SLC14A2: variants seen among roughly 807,000 people sequenced by gnomAD.
The protein encoded by SLC14A2 is urea transporter 2.
In SLC14A2, 91 loss-of-function variants were observed where a neutral mutation model predicts 104.6. The ratio of observed to expected loss-of-function variants is 0.87; its 90% CI spans 0.73 to 1.04. SLC14A2 has a LOEUF of 1.04. SLC14A2 is among the 50% of genes least tolerant of loss of function. The pLI, the probability that SLC14A2 is intolerant of heterozygous loss-of-function variation, is 0.00. For missense variants in SLC14A2, 1,189 were observed against 1,156.0 expected (o/e 1.03, Z -0.41); for synonymous variants, 476 against 466.4 (o/e 1.02, Z -0.27).
intron 1 of SLC14A2, among the ~76,000 whole-genome samples, chr18:45,247,230 A>G (rs146892498): frequency 6.6e-6 from 1 of 152,374 alleles, no homozygotes; most frequent in African/African-American, 2.4e-5. Context: ...GGTTGTTTCA[A>G]CACCAAACTC....
chr18:45,194,067 C>T, the SLC14A2 span, among the ~76,000 whole-genome samples: 4 of 152,210 alleles, frequency 2.6e-5, no homozygotes, highest in Non-Finnish European at 5.9e-5. Context: ...ATTCTGCAAG[C>T]TTGATCAACT....
chr18:45,193,175 A>G, the SLC14A2 span, among the ~76,000 whole-genome samples: 1 of 152,136 alleles, frequency 6.6e-6, no homozygotes, highest in Non-Finnish European at 1.5e-5. Flanking sequence ...TTTTCTCCCA[A>G]TCTGTAACTT....
chr18:45,266,240 C>T (rs888936729), intron 1 of SLC14A2, among the ~76,000 whole-genome samples: 8 of 152,090 alleles, frequency 5.3e-5, no homozygotes, highest in African/African-American at 1.9e-4. Flanking sequence ...CCATCAGTCC[C>T]GACTAATGAG....
At chr18:45,304,834 T>C (rs1217500629) in intron 1 of SLC14A2, among the ~76,000 whole-genome samples, 2 of 152,196 alleles carry the variant, frequency 1.3e-5, no homozygotes, top group Non-Finnish European at 2.9e-5. Context: ...AAGAAGTTCA[T>C]GAACCCTCTC....
At chr18:45,396,648 TC>T (rs2086035802) in intron 1 of SLC14A2, among the ~76,000 whole-genome samples, 1 of 148,516 alleles carries the variant, frequency 6.7e-6, no homozygotes, top group African/African-American at 2.5e-5. Flanking sequence ...TTTTCTTTTT[TC>T]CCTCTTTTTT....
intron 10 of SLC14A2, among the ~76,000 whole-genome samples, chr18:45,662,449 G>T (rs988832288): frequency 6.6e-6 from 1 of 152,110 alleles, no homozygotes; most frequent in East Asian, 1.9e-4. Context: ...TCCAGCTTTC[G>T]TATGCACACG....
chr18:45,395,130 C>A (rs544038070), intron 1 of SLC14A2, among the ~76,000 whole-genome samples: 5 of 152,082 alleles, frequency 3.3e-5, no homozygotes, highest in African/African-American at 7.2e-5. Flanking sequence ...TGGAAACAAC[C>A]TAAATGTCCA....
In SLC14A2 at chr18:45,643,997, A is replaced by G; in HGVS notation, c.1188A>G (p.Pro396=). 1 of 1,613,974 alleles carries G rather than the reference A, an allele frequency of 6.2e-7. No homozygotes were observed. Among genetic ancestry groups the G allele is most frequent in the South Asian group, 1.1e-5 (1 of 91,058 alleles). ...GCTTTTGTTTCCAGGTGGGCGTGCC[A>G]CCAGGCACCTGGGCCTTCTGCCTTG... is the stretch of plus-strand genomic sequence containing the variant. ...ISNIMSVVGV[P]PGTWAFCLAT... is the part of the protein sequence containing the mutation. Residue 396 remains proline (P), a synonymous_variant, in exon 10 of 20, where the codon CCA becomes CCG. Coordinates refer to ENST00000255226, the MANE Select transcript of SLC14A2 (RefSeq NM_007163.4).
chr18:45,255,880 C>A (rs1230977268), intron 1 of SLC14A2, among the ~76,000 whole-genome samples: 1 of 152,192 alleles, frequency 6.6e-6, no homozygotes, highest in Non-Finnish European at 1.5e-5. Context: ...CCGCCCTTTA[C>A]CTCTCAGAAA....
Position 45,538,988 on chromosome 18 carries a change from C to T in SLC14A2, c.-35+55666C>T, listed in dbSNP as rs943415901. On this transcript the variant is annotated intron_variant, in intron 2 of 20. Coordinates refer to the SLC14A2 transcript ENST00000586448. ...GCTTTGCTGATCACATACTATATGG[C>T]AGGCCTGTGTAAAGCCTATAAAGGT... 5.9e-5 allele frequency among the ~76,000 whole-genome samples: 9 copies of T among 151,746 alleles called. No individual in the cohort carries two copies. In the South Asian group the frequency reaches 1.5e-3, roughly 25 times the overall value.
At chr18:45,430,187 G>C (rs57801224) in intron 1 of SLC14A2, among the ~76,000 whole-genome samples, 24,436 of 152,152 alleles carry the variant, frequency 0.16, 2,830 homozygotes, top group African/African-American at 0.3. Flanking sequence ...GGTCATTTTG[G>C]CAGATGGGAA....
At chr18:45,531,446 G>C (rs1336174731) in intron 2 of SLC14A2, among the ~76,000 whole-genome samples, 1 of 152,154 alleles carries the variant, frequency 6.6e-6, no homozygotes, top group East Asian at 1.9e-4. Context: ...TTCTCTGATG[G>C]CCAGTGATGA....
At chr18:45,550,505 G>A (rs796960653) in intron 2 of SLC14A2, among the ~76,000 whole-genome samples, 24 of 152,176 alleles carry the variant, frequency 1.6e-4, no homozygotes, top group African/African-American at 5.3e-4. Context: ...GGTAGGGAGT[G>A]TGGCGTATTC....
At chr18:45,386,968 T>C (rs142750017) in intron 1 of SLC14A2, among the ~76,000 whole-genome samples, 86 of 152,366 alleles carry the variant, frequency 5.6e-4, no homozygotes, top group Non-Finnish European at 1.1e-3. Flanking sequence ...TTACTCACTA[T>C]GACACTCTGT....
chr18:45,348,073 G>A (rs1160085063), intron 1 of SLC14A2, among the ~76,000 whole-genome samples: 1 of 152,174 alleles, frequency 6.6e-6, no homozygotes, highest in Non-Finnish European at 1.5e-5. Context: ...CCATCATGAT[G>A]GCAGTGATTT....
chr18:45,300,275 T>G (rs952913591), intron 1 of SLC14A2, among the ~76,000 whole-genome samples: 4 of 152,160 alleles, frequency 2.6e-5, no homozygotes, highest in Non-Finnish European at 5.9e-5. Flanking sequence ...TCAACAGGAC[T>G]AATGAGTTAG....
chr18:45,213,353 C>T (rs1225233240), intron 1 of SLC14A2, among the ~76,000 whole-genome samples: 2 of 151,724 alleles, frequency 1.3e-5, no homozygotes, highest in South Asian at 2.1e-4. Context: ...GAATATTGAC[C>T]CACAAAAAGA....
At chr18:45,176,848 C>T in the SLC14A2 span, among the ~76,000 whole-genome samples, 1 of 152,132 alleles carries the variant, frequency 6.6e-6, no homozygotes, top group Non-Finnish European at 1.5e-5. Context: ...TCAAAGATGT[C>T]CAGAGCACAG....
the SLC14A2 span, among the ~76,000 whole-genome samples, chr18:45,194,423 C>T: frequency 6.6e-6 from 1 of 152,060 alleles, no homozygotes; most frequent in Non-Finnish European, 1.5e-5. Flanking sequence ...TTGTCAAATT[C>T]TATGGAAATG....
Sources: allele counts gnomAD v4.1 joint callset (sites outside exome capture counted in the v4.1 genomes callset), GRCh38; gene constraint gnomAD v4.1.1; transcripts MANE v1.5; gene names NCBI Gene and HGNC (gene_info 2026-07-23, HGNC 2026-07-21).